The following SLC28A1 variants were observed in gnomAD, a reference collection of about 807,000 sequenced individuals.
The protein encoded by SLC28A1 is solute carrier family 28 member 1, also known as sodium/nucleoside cotransporter 1.
In SLC28A1, 64 loss-of-function variants were observed where a neutral mutation model predicts 74.8. The observed-to-expected ratio is 0.86, with a 90% CI of 0.70 to 1.05. The LOEUF is 1.05. Ranked by LOEUF, SLC28A1 falls within the 50% of genes least tolerant of loss-of-function variation. The probability of loss-of-function intolerance (pLI) is 0.00; values close to 1 mark genes in which losing one functional copy is unlikely to be tolerated. For missense variants in SLC28A1, 828 were observed against 822.8 expected, an observed-to-expected ratio of 1.01 and a Z score of -0.08; for synonymous variants, 359 against 335.0, an observed-to-expected ratio of 1.07 and a Z score of -0.78.
chr15:84,955,706 G>C, the SLC28A1 span, among the ~76,000 whole-genome samples: 15 of 152,282 alleles, frequency 9.9e-5, no homozygotes, highest in Middle Eastern at 3.4e-3. Context: ...TCCCTTTTGT[G>C]GGGGAGGTCG....
the SLC28A1 span, among the ~76,000 whole-genome samples, chr15:84,962,998 G>C: frequency 3.3e-5 from 5 of 152,284 alleles, no homozygotes; most frequent in Non-Finnish European, 5.9e-5. Context: ...GATGATGGAT[G>C]TTCTGCATTT....
intron 9 of SLC28A1, among the ~76,000 whole-genome samples, chr15:84,917,258 C>T (rs1219393272): frequency 6.6e-6 from 1 of 152,132 alleles, no homozygotes. Flanking sequence ...GTTGGGAACA[C>T]AGGACACAGA....
downstream of SLC28A1, among the ~76,000 whole-genome samples, chr15:84,947,460 A>G (rs1175153958): frequency 6.6e-6 from 1 of 152,218 alleles, no homozygotes; most frequent in African/African-American, 2.4e-5. Flanking sequence ...GGCCTTCCCT[A>G]GAAGACTGCA....
At chr15:84,941,644 GA>G (rs1196605575) in intron 15 of SLC28A1, among the ~76,000 whole-genome samples, 3 of 152,198 alleles carry the variant, frequency 2.0e-5, no homozygotes, top group African/African-American at 7.2e-5. Flanking sequence ...AACACTTTGG[GA>G]GGCCAAGGAG....
intron 9 of SLC28A1, among the ~76,000 whole-genome samples, chr15:84,911,126 G>T (rs770018418): frequency 2.6e-5 from 4 of 152,232 alleles, no homozygotes; most frequent in African/African-American, 9.7e-5. Context: ...CCGCCAGAGC[G>T]CCTTCCCCCG....
downstream of SLC28A1, among the ~76,000 whole-genome samples, chr15:84,946,113 T>TATATATATATATATATATATATA (rs1555458478): frequency 6.5e-5 from 1 of 15,494 alleles, no homozygotes; most frequent in African/African-American, 2.4e-4. Flanking sequence ...TATATATATA[T>TATATATATATATATATATATATA]TTTTTTTTTT....
At chr15:84,937,947 C>G (rs919186573) in intron 15 of SLC28A1, among the ~76,000 whole-genome samples, 35 of 151,606 alleles carry the variant, frequency 2.3e-4, no homozygotes, top group African/African-American at 8.5e-4. Flanking sequence ...CACCTGTAAT[C>G]CCAGCACTTT....
the SLC28A1 span, among the ~76,000 whole-genome samples, chr15:84,953,633 G>C: frequency 7.7e-4 from 118 of 152,300 alleles, no homozygotes; most frequent in African/African-American, 2.4e-3. Flanking sequence ...GAGACAGGAG[G>C]ATTGCTTGAG....
At chr15:84,974,283 G>A in the SLC28A1 span, among the ~76,000 whole-genome samples, 3 of 152,114 alleles carry the variant, frequency 2.0e-5, no homozygotes, top group East Asian at 1.9e-4. Flanking sequence ...CTCAAGTATC[G>A]GTGATGTTTG....
At chr15:84,895,187 A>T in intron 6 of SLC28A1, 64 bp downstream of exon 6, 1 of 1,599,178 alleles carries the variant, frequency 6.3e-7, no homozygotes, top group Non-Finnish European at 8.5e-7. Context: ...GGTTGGCTCC[A>T]GGGTTATGGC....
In SLC28A1 at chr15:84,888,782, A is replaced by G. The variant is rs1964913743; in HGVS notation, c.107A>G (p.Gln36Arg). 1.3e-6 allele frequency: 2 copies of G among 1,553,234 alleles called. No homozygotes were observed. The highest frequency in any genetic ancestry group is 4.9e-5 in the East Asian group (2 of 41,096). ...CCCTGCGGGCTGTAGGAGGAAGGCC[A>G]GCTCCCTAGGAGTGACTTGAGCCCC... ...ADFLESLEEG[Q>R]LPRSDLSPAE... Residue 36 changes from glutamine (Q) to arginine (R), a missense_variant, in exon 4 of 19, where the codon CAG (glutamine) becomes CGG (arginine). Gln to Arg is a conservative substitution (Grantham distance 43, BLOSUM62 1). Around this residue, in one of 3 missense-constraint regions of SLC28A1, gnomAD observed 767 missense variants for 753.5 expected, o/e 1.02. Coordinates refer to ENST00000394573, the MANE Select transcript of SLC28A1 (RefSeq NM_004213.5).
chr15:84,915,460 C>T (rs1205417677), intron 9 of SLC28A1, among the ~76,000 whole-genome samples: 1 of 152,216 alleles, frequency 6.6e-6, no homozygotes. Context: ...AAAATAAAAG[C>T]AGCCCTTGCC....
rs1301490340 is a variant in SLC28A1 at position 84,894,987 on chromosome 15, G to T, written c.325G>T (p.Ala109Ser). The T allele has an allele frequency of 6.2e-7, 1 of 1,614,204 alleles. No individual in the cohort carries two copies. Among genetic ancestry groups the T allele is most frequent in the Admixed American group, 1.7e-5 (1 of 60,020 alleles). Residue 109 changes from alanine to serine, a missense_variant, in exon 6 of 19, where the codon GCC (alanine) becomes TCC (serine). Ala to Ser is a moderately conservative substitution (Grantham distance 99, BLOSUM62 1). This residue lies in a region of SLC28A1 where 767 missense variants were observed against 753.5 expected (regional missense o/e 1.02). Transcript: ENST00000394573. ...GGCCTGCCTCCTGGATTTCCAGAGGGCCCTGGCTCTGTTTGTCCTCACCTG... is the reference window on the plus strand; with the variant it reads ...GGCCTGCCTCCTGGATTTCCAGAGGTCCCTGGCTCTGTTTGTCCTCACCTG... Reference protein sequence around the residue: ...LVACLLDFQRALALFVLTCVV... With the variant: ...LVACLLDFQRSLALFVLTCVV...
intron 17 of SLC28A1, 36 bp from the exon 18 acceptor site, chr15:84,944,719 CG>C: frequency 1.4e-6 from 2 of 1,456,270 alleles, no homozygotes; most frequent in Non-Finnish European, 9.0e-7. Flanking sequence ...CTGGCTAGCC[CG>C]GGGGCCCTGC....
chr15:84,943,323 G>A, intron 15 of SLC28A1, 122 bp from the exon 16 acceptor site: 1 of 728,436 alleles, frequency 1.4e-6, no homozygotes, highest in Admixed American at 2.0e-5. Context: ...CAGCACAGAG[G>A]ACTCAAAGGT....
chr15:84,944,871 AG>A lies in SLC28A1; in HGVS notation c.1874+7del. On this transcript the variant is annotated splice_donor_5th_base_variant and intron_variant, in intron 18 of 18. Coordinates refer to ENST00000394573, the MANE Select transcript of SLC28A1 (RefSeq NM_004213.5). Reference sequence around the variant, plus strand: ...GCTGCCGTGAGGCCTTCCAGAGGTGAGGGCCTGGGCTGTGGGACCTGCAGGG... The same window carrying A: ...GCTGCCGTGAGGCCTTCCAGAGGTGAGGCCTGGGCTGTGGGACCTGCAGGG... The A allele has an allele frequency of 6.2e-7, 1 of 1,601,810 alleles. No individual in the cohort carries two copies.
chr15:84,951,823 A>G, the SLC28A1 span, among the ~76,000 whole-genome samples: 2 of 152,288 alleles, frequency 1.3e-5, no homozygotes, highest in African/African-American at 4.8e-5. Context: ...GACTTCAGAG[A>G]AAAAAGAGAG....
intron 10 of SLC28A1, 108 bp downstream of exon 10, chr15:84,918,712 C>T (rs1969439182): frequency 2.4e-6 from 2 of 849,668 alleles, no homozygotes. Flanking sequence ...CCCAGACACA[C>T]TGCTCCCCAA....
At chr15:84,907,190 G>T (rs1013727514) in intron 8 of SLC28A1, among the ~76,000 whole-genome samples, 2 of 152,228 alleles carry the variant, frequency 1.3e-5, no homozygotes, top group Non-Finnish European at 2.9e-5. Context: ...GACTTGTGAT[G>T]TGGAACTTTA....
Sources: allele counts gnomAD v4.1 joint callset (sites outside exome capture counted in the v4.1 genomes callset), GRCh38; gene constraint gnomAD v4.1.1; regional missense constraint gnomAD v4.1.1; transcripts MANE v1.5; gene names NCBI Gene and HGNC (gene_info 2026-07-23, HGNC 2026-07-21).